Variants in SMYD3 observed in about 807,000 individuals in gnomAD.
The protein encoded by SMYD3 is histone-lysine N-methyltransferase SMYD3.
A neutral mutation model predicts 57.7 loss-of-function variants in SMYD3; 36 were observed. That is an observed-to-expected ratio of 0.62 (90% CI 0.48 to 0.82). The LOEUF (loss-of-function observed/expected upper bound fraction) is 0.82. Ranked by LOEUF, SMYD3 falls within the 40% of genes least tolerant of loss-of-function variation. The pLI, the probability that SMYD3 is intolerant of heterozygous loss-of-function variation, is 0.00. For missense variants in SMYD3, 515 were observed against 538.8 expected (o/e 0.96, Z 0.44); for synonymous variants, 211 against 195.0 (o/e 1.08, Z -0.68).
At chr1:245,922,636 A>C (rs1231487058) in intron 7 of SMYD3, among the ~76,000 whole-genome samples, 1 of 150,638 alleles carries the variant, frequency 6.6e-6, no homozygotes, top group African/African-American at 2.4e-5. Flanking sequence ...TCACCATTTG[A>C]GCTCTACTTT....
At chr1:246,293,106 G>A (rs2064727334) in intron 5 of SMYD3, among the ~76,000 whole-genome samples, 1 of 151,030 alleles carries the variant, frequency 6.6e-6, no homozygotes, top group South Asian at 2.1e-4. Context: ...TAATTATGAG[G>A]CCAATTTGCA....
chr1:246,279,516 T>C (rs2064403124), intron 5 of SMYD3, among the ~76,000 whole-genome samples: 1 of 152,028 alleles, frequency 6.6e-6, no homozygotes, highest in Non-Finnish European at 1.5e-5. Flanking sequence ...TAAGACTCCT[T>C]CTCAAAACAA....
At chr1:245,896,193 G>T (rs1467559525) in intron 8 of SMYD3, among the ~76,000 whole-genome samples, 2 of 152,080 alleles carry the variant, frequency 1.3e-5, no homozygotes. Context: ...AAGCCCTCAG[G>T]AAAATTAGAT....
intron 5 of SMYD3, among the ~76,000 whole-genome samples, chr1:245,961,934 C>T (rs975447808): frequency 6.6e-6 from 1 of 152,150 alleles, no homozygotes; most frequent in Non-Finnish European, 1.5e-5. Context: ...ACGGTTATTA[C>T]AGCTGGGAAC....
At chr1:246,466,745 G>T (rs1417213814) in intron 1 of SMYD3, among the ~76,000 whole-genome samples, 1 of 152,218 alleles carries the variant, frequency 6.6e-6, no homozygotes, top group Non-Finnish European at 1.5e-5. Flanking sequence ...CTACTCAGGA[G>T]GCTGATGGGG....
At chr1:245,789,215 G>A (rs940756381) in intron 10 of SMYD3, among the ~76,000 whole-genome samples, 1 of 152,144 alleles carries the variant, frequency 6.6e-6, no homozygotes, top group African/African-American at 2.4e-5. Flanking sequence ...CTATTATGAT[G>A]TAAGTCCTTT....
intron 1 of SMYD3, among the ~76,000 whole-genome samples, chr1:246,392,259 AT>A (rs1022685732): frequency 6.6e-6 from 1 of 152,154 alleles, no homozygotes; most frequent in Non-Finnish European, 1.5e-5. Flanking sequence ...GGAGTTGAAG[AT>A]TTTTTTCACA....
intron 5 of SMYD3, among the ~76,000 whole-genome samples, chr1:245,973,658 C>T (rs2058355636): frequency 6.6e-6 from 1 of 152,208 alleles, no homozygotes; most frequent in Admixed American, 6.5e-5. Flanking sequence ...GTGCACCCAT[C>T]AGTTGCTCTT....
At chr1:246,154,795 T>A (rs1434825517) in intron 5 of SMYD3, among the ~76,000 whole-genome samples, 1 of 151,990 alleles carries the variant, frequency 6.6e-6, no homozygotes, top group Non-Finnish European at 1.5e-5. Context: ...TTTTGTTTTT[T>A]TTTTGAGATG....
intron 5 of SMYD3, among the ~76,000 whole-genome samples, chr1:246,051,717 T>C (rs74154354): frequency 0.031 from 4,647 of 152,226 alleles, 95 homozygotes; most frequent in South Asian, 0.043. Flanking sequence ...TTGCATTAGA[T>C]GTTTTATTTC....
At chr1:246,284,893 G>T (rs1392137032) in intron 5 of SMYD3, among the ~76,000 whole-genome samples, 2 of 151,324 alleles carry the variant, frequency 1.3e-5, no homozygotes, top group Non-Finnish European at 2.9e-5. Context: ...CTGGATTCAG[G>T]TTGCTAATAT....
intron 5 of SMYD3, among the ~76,000 whole-genome samples, chr1:246,249,531 A>ATTT (rs35292473): frequency 9.4e-5 from 14 of 148,356 alleles, no homozygotes; most frequent in East Asian, 3.9e-4. Context: ...TTTTTTTTGT[A>ATTT]TTTTTTTTTG....
intron 5 of SMYD3, among the ~76,000 whole-genome samples, chr1:246,164,613 C>T (rs2062175190): frequency 6.6e-6 from 1 of 152,258 alleles, no homozygotes; most frequent in Non-Finnish European, 1.5e-5. Context: ...AAGCCAGGCC[C>T]AAAGAGAAAC....
intron 11 of SMYD3, among the ~76,000 whole-genome samples, chr1:245,755,087 TTA>T (rs752969068): frequency 6.6e-6 from 1 of 152,152 alleles, no homozygotes; most frequent in Non-Finnish European, 1.5e-5. Context: ...TCTGAAGAAG[TTA>T]TGTTTCCTCA....
At chr1:245,911,791 TAGG>T (rs954233944) in intron 8 of SMYD3, among the ~76,000 whole-genome samples, 14 of 151,954 alleles carry the variant, frequency 9.2e-5, no homozygotes, top group African/African-American at 2.9e-4. Context: ...TACAGCTCAA[TAGG>T]AGGAGTAAGA....
In SMYD3 at chr1:246,377,097, A is replaced by AAAT. The variant is rs150240155; in HGVS notation, c.165-22006_165-22004dup. Among the ~76,000 whole-genome samples the AAAT allele has an allele frequency of 9.3e-3, 1,412 of 152,190 alleles. 26 individuals carry two copies. The highest frequency in any genetic ancestry group is 0.032 in the African/African-American group (1,308 of 41,490). ...CCTGGGCGACAGAGGCTTTGTCTCAAAATAATAATAATAACGTATTAATTC... is the reference window on the plus strand; with the variant it reads ...CCTGGGCGACAGAGGCTTTGTCTCAAAATAATAATAATAATAACGTATTAATTC... On this transcript the variant is annotated intron_variant, in intron 1 of 11. Coordinates refer to ENST00000490107, the MANE Select transcript of SMYD3 (RefSeq NM_001167740.2).
At chr1:246,123,631 C>T (rs2061459994) in intron 5 of SMYD3, among the ~76,000 whole-genome samples, 1 of 149,688 alleles carries the variant, frequency 6.7e-6, no homozygotes, top group Non-Finnish European at 1.5e-5. Flanking sequence ...AATCATTCTG[C>T]ACTGACTTTC....
At chr1:246,494,625 C>T (rs1472603933) in intron 1 of SMYD3, among the ~76,000 whole-genome samples, 1 of 152,202 alleles carries the variant, frequency 6.6e-6, no homozygotes, top group Non-Finnish European at 1.5e-5. Flanking sequence ...GAAACTGTTA[C>T]CTACTACCCA....
chr1:245,814,500 A>G (rs1245943095), intron 10 of SMYD3: 2 of 686,042 alleles, frequency 2.9e-6, no homozygotes, highest in Non-Finnish European at 3.6e-6. Flanking sequence ...GTTACACCAC[A>G]TACTTGTTTT....
Sources: allele counts gnomAD v4.1 joint callset (sites outside exome capture counted in the v4.1 genomes callset), GRCh38; gene constraint gnomAD v4.1.1; transcripts MANE v1.5; gene names NCBI Gene and HGNC (gene_info 2026-07-23, HGNC 2026-07-21).